Variants in SH3BGRL2 observed in about 807,000 individuals in gnomAD.
SH3BGRL2 encodes SH3 domain binding glutamate rich protein like 2, also known as SH3 domain-binding glutamic acid-rich-like protein 2.
In SH3BGRL2, 21 loss-of-function variants were observed where a neutral mutation model predicts 14.8. That is an observed-to-expected ratio of 1.42 (90% CI 1.01 to 2.05). The LOEUF (loss-of-function observed/expected upper bound fraction) is 2.05. Among genes scored for constraint, SH3BGRL2 ranks in the 30% most tolerant of loss-of-function variants. The pLI is 0.00. For missense variants in SH3BGRL2, 147 were observed against 130.8 expected (o/e 1.12, Z -0.61); for synonymous variants, 50 against 47.8 (o/e 1.05, Z -0.19).
chr6:79,618,842 C>A, the SH3BGRL2 span, among the ~76,000 whole-genome samples: 1 of 138,010 alleles, frequency 7.2e-6, no homozygotes, highest in Non-Finnish European at 1.5e-5. Context: ...ATGCTTGGAC[C>A]TGGAAGGCAG....
upstream of SH3BGRL2, among the ~76,000 whole-genome samples, chr6:79,630,294 A>G (rs538203925): frequency 1.1e-4 from 16 of 152,346 alleles, no homozygotes; most frequent in South Asian, 1.2e-3. Flanking sequence ...CAGAGACCTC[A>G]TCATCTAATT....
the SH3BGRL2 span, among the ~76,000 whole-genome samples, chr6:79,554,161 T>C: frequency 1.0e-3 from 152 of 152,264 alleles, no homozygotes; most frequent in African/African-American, 3.6e-3. Flanking sequence ...GCTCAAAATA[T>C]AATTCTCAAT....
the SH3BGRL2 span, among the ~76,000 whole-genome samples, chr6:79,541,018 C>T: frequency 2.0e-5 from 3 of 152,042 alleles, no homozygotes; most frequent in African/African-American, 4.8e-5. Flanking sequence ...TTTGGTAGGC[C>T]GAAGTGGGCA....
intron 1 of SH3BGRL2, among the ~76,000 whole-genome samples, chr6:79,635,522 C>G (rs1359062073): frequency 1.3e-5 from 2 of 152,242 alleles, no homozygotes; most frequent in Non-Finnish European, 2.9e-5. Flanking sequence ...ATGGTCAGAA[C>G]AGACATGTAC....
the SH3BGRL2 span, among the ~76,000 whole-genome samples, chr6:79,591,728 A>G: frequency 6.6e-6 from 1 of 152,152 alleles, no homozygotes; most frequent in Non-Finnish European, 1.5e-5. Context: ...ATTTTTTCAT[A>G]CCAAAGGAGT....
chr6:79,622,738 G>GT, the SH3BGRL2 span, among the ~76,000 whole-genome samples: 2 of 152,114 alleles, frequency 1.3e-5, no homozygotes, highest in Non-Finnish European at 2.9e-5. Context: ...AAGTCATTGG[G>GT]TTTTTAGGAA....
chr6:79,566,359 C>T, the SH3BGRL2 span, among the ~76,000 whole-genome samples: 1 of 152,154 alleles, frequency 6.6e-6, no homozygotes, highest in Non-Finnish European at 1.5e-5. Flanking sequence ...TCAAATAGGG[C>T]CGCCTTCAAG....
At chr6:79,572,680 T>C in the SH3BGRL2 span, among the ~76,000 whole-genome samples, 2 of 152,096 alleles carry the variant, frequency 1.3e-5, no homozygotes, top group Non-Finnish European at 2.9e-5. Flanking sequence ...TTAGCCAGGA[T>C]GGTCTCGATC....
At chr6:79,592,945 C>G in the SH3BGRL2 span, among the ~76,000 whole-genome samples, 4 of 152,128 alleles carry the variant, frequency 2.6e-5, no homozygotes, top group East Asian at 7.7e-4. Context: ...TTGCATGGAT[C>G]ACAAACTCAA....
chr6:79,591,763 A>G, the SH3BGRL2 span, among the ~76,000 whole-genome samples: 1 of 152,200 alleles, frequency 6.6e-6, no homozygotes, highest in Non-Finnish European at 1.5e-5. Context: ...GATTTAATCT[A>G]TTTGAGCAGA....
rs561800397 is a variant in SH3BGRL2, at chr6:79,641,148, T to A, written c.45+9642T>A. 3.5e-5 allele frequency among the ~76,000 whole-genome samples: 4 copies of A among 114,400 alleles called. No homozygotes were observed. The East Asian group carries it at 9.5e-4, about 27-fold the overall frequency. The allele number at this position is 114,400 out of a possible 152,430, so 75.1% of individuals were successfully genotyped here. On this transcript the variant is annotated intron_variant, in intron 1 of 3. Coordinates refer to ENST00000369838, the MANE Select transcript of SH3BGRL2 (RefSeq NM_031469.4). ...TTAAAGCTCAGTGGTTCTCTCACCC[T>A]TTTGTGTGTGTGTGTGTGTGTGTGT...
chr6:79,593,086 CATT>C, the SH3BGRL2 span, among the ~76,000 whole-genome samples: 1 of 152,102 alleles, frequency 6.6e-6, no homozygotes, highest in Non-Finnish European at 1.5e-5. Context: ...GTTGCCAAGA[CATT>C]ATAATTTTTC....
At chr6:79,617,322 G>A in the SH3BGRL2 span, among the ~76,000 whole-genome samples, 1 of 152,148 alleles carries the variant, frequency 6.6e-6, no homozygotes, top group East Asian at 1.9e-4. Context: ...TTGAAATTAA[G>A]TAGTAGGTAC....
At chr6:79,559,962 A>G in the SH3BGRL2 span, among the ~76,000 whole-genome samples, 70 of 152,302 alleles carry the variant, frequency 4.6e-4, no homozygotes, top group Admixed American at 1.1e-3. Context: ...TTGTTTCTAA[A>G]TAAAAGGTAA....
At chr6:79,564,121 AAC>A in the SH3BGRL2 span, among the ~76,000 whole-genome samples, 37 of 152,224 alleles carry the variant, frequency 2.4e-4, 1 homozygote, top group African/African-American at 7.2e-4. Context: ...ATAGTAGTGA[AAC>A]AATTAATAAA....
chr6:79,662,121 A>G (rs2127729757), intron 1 of SH3BGRL2, among the ~76,000 whole-genome samples: 1 of 152,244 alleles, frequency 6.6e-6, no homozygotes, highest in Non-Finnish European at 1.5e-5. Flanking sequence ...TGTGTCTTTT[A>G]ATTGGTGCAT....
At chr6:79,699,079 G>A (rs1770393223) in intron 3 of SH3BGRL2, among the ~76,000 whole-genome samples, 1 of 151,838 alleles carries the variant, frequency 6.6e-6, no homozygotes, top group Admixed American at 6.6e-5. Flanking sequence ...GGTGCGCAGG[G>A]GTGGCAGTTG....
At chr6:79,647,262 G>A (rs117031857) in intron 1 of SH3BGRL2, among the ~76,000 whole-genome samples, 5,156 of 151,322 alleles carry the variant, frequency 0.034, 134 homozygotes, top group Non-Finnish European at 0.052. Context: ...TCTCAGTGTG[G>A]TTTTGATTTG....
chr6:79,643,370 T>G (rs1334073843), intron 1 of SH3BGRL2, among the ~76,000 whole-genome samples: 3 of 152,020 alleles, frequency 2.0e-5, no homozygotes. Context: ...AGAATAACAG[T>G]GTCTGAGCTC....
Sources: allele counts gnomAD v4.1 joint callset (sites outside exome capture counted in the v4.1 genomes callset), GRCh38; gene constraint gnomAD v4.1.1; transcripts MANE v1.5; gene names NCBI Gene and HGNC (gene_info 2026-07-23, HGNC 2026-07-21).